ARHGEF12: variants seen among roughly 807,000 people sequenced by gnomAD.
ARHGEF12 encodes KMT2A/ARHGEF12 fusion protein.
A neutral mutation model predicts 211.2 loss-of-function variants in ARHGEF12; 66 were observed. The observed-to-expected ratio is 0.31, with a 90% confidence interval of 0.26 to 0.38. The LOEUF is 0.38. ARHGEF12 is among the 10% of genes least tolerant of loss of function. The pLI is 1.00. For missense variants in ARHGEF12, 1,429 were observed against 1,869.5 expected, an observed-to-expected ratio of 0.76 and a Z score of 4.34; for synonymous variants, 592 against 638.4, an observed-to-expected ratio of 0.93 and a Z score of 1.09.
intron 38 of ARHGEF12, 89 bp downstream of exon 38, chr11:120,480,519 A>T: frequency 8.1e-7 from 1 of 1,233,550 alleles, no homozygotes. Context: ...ATTGGTATCC[A>T]GGTGTGTGTG....
chr11:120,447,173 T>C (rs1436247507), intron 18 of ARHGEF12, 88 bp downstream of exon 18: 1 of 1,433,392 alleles, frequency 7.0e-7, no homozygotes, highest in Non-Finnish European at 9.3e-7. Context: ...TTAGAAAAAC[T>C]GTCAGATTGT....
intron 26 of ARHGEF12, among the ~76,000 whole-genome samples, chr11:120,460,094 A>C (rs534352881): frequency 2.0e-5 from 3 of 152,336 alleles, no homozygotes; most frequent in African/African-American, 7.2e-5. Flanking sequence ...TATTGGTTGA[A>C]GTCATCTTGG....
chr11:120,415,456 C>CA lies in ARHGEF12; in HGVS notation c.200-5294dup, dbSNP rs749483481. Among the ~76,000 whole-genome samples, 29 of 152,156 alleles carry CA rather than the reference C, an allele frequency of 1.9e-4. No homozygotes were observed. The East Asian group carries it at 2.9e-3, about 15-fold the overall frequency. ...GATGCTCAATGCAAATTTGCTAAAA[C>CA]AAACAAAAGAAGTAGGATTTTTGTG... On this transcript the variant is annotated intron_variant, in intron 4 of 40. Transcript: ENST00000397843.
rs1946420598 is a variant in ARHGEF12, at chr11:120,458,087, A to G, written c.2233A>G (p.Ser745Gly). 3.1e-6 allele frequency: 5 copies of G among 1,607,568 alleles called. No homozygotes were observed. Among genetic ancestry groups the G allele is most frequent in the Non-Finnish European group, 4.2e-6 (5 of 1,178,630 alleles). Reference sequence around the variant, plus strand: ...ACTCTTTTTTCTTCATAGGTTTGACAGTGTAGCTTTTGGAGAAAGTCAAAG... The same window carrying G: ...ACTCTTTTTTCTTCATAGGTTTGACGGTGTAGCTTTTGGAGAAAGTCAAAG... ...GTPKPFRKFD[S>G]VAFGESQSED... Residue 745 changes from serine to glycine, a missense_variant, in exon 25 of 41, where the codon AGT (serine) becomes GGT (glycine). Coordinates refer to ENST00000397843, the MANE Select transcript of ARHGEF12 (RefSeq NM_015313.3).
chr11:120,441,917 G>C, intron 14 of ARHGEF12, 100 bp downstream of exon 14: 1 of 1,110,254 alleles, frequency 9.0e-7, no homozygotes, highest in East Asian at 2.4e-5. Flanking sequence ...ACTTCTTTCA[G>C]TTTTCCGTAT....
At chr11:120,407,872 A>G in intron 3 of ARHGEF12, 49 bp downstream of exon 3, 1 of 1,509,998 alleles carries the variant, frequency 6.6e-7, no homozygotes, top group Non-Finnish European at 9.2e-7. Context: ...AGTGAAGTTC[A>G]GAATAATAGA....
At chr11:120,465,450 T>G in intron 28 of ARHGEF12, 88 bp downstream of exon 28, 1 of 1,534,132 alleles carries the variant, frequency 6.5e-7, no homozygotes, top group Non-Finnish European at 8.9e-7. Flanking sequence ...CTAAGACTTT[T>G]ACAAAGATTA....
intron 1 of ARHGEF12, among the ~76,000 whole-genome samples, chr11:120,371,990 T>G (rs1482214201): frequency 2.0e-5 from 3 of 152,256 alleles, no homozygotes; most frequent in Admixed American, 6.5e-5. Context: ...AAAACTGATT[T>G]CTTTGGAAAA....
intron 1 of ARHGEF12, among the ~76,000 whole-genome samples, chr11:120,347,666 C>T (rs1942808812): frequency 6.6e-6 from 1 of 152,158 alleles, no homozygotes; most frequent in Non-Finnish European, 1.5e-5. Flanking sequence ...GTCTTGAAGG[C>T]CTGAAAGCCT....
chr11:120,384,654 G>A (rs1487270809), intron 1 of ARHGEF12, among the ~76,000 whole-genome samples: 1 of 152,156 alleles, frequency 6.6e-6, no homozygotes, highest in Non-Finnish European at 1.5e-5. Flanking sequence ...CAGACATAAT[G>A]CCTAGGGCAT....
intron 1 of ARHGEF12, among the ~76,000 whole-genome samples, chr11:120,393,518 T>C (rs553665015): frequency 6.6e-6 from 1 of 152,286 alleles, no homozygotes; most frequent in Non-Finnish European, 1.5e-5. Flanking sequence ...AAAGGAAAAC[T>C]AGACCACATT....
At chr11:120,372,741 C>G (rs1943623125) in intron 1 of ARHGEF12, among the ~76,000 whole-genome samples, 1 of 152,032 alleles carries the variant, frequency 6.6e-6, no homozygotes, top group Non-Finnish European at 1.5e-5. Flanking sequence ...CCAGGCTCTA[C>G]CATTTGTTAG....
chr11:120,377,329 G>A (rs907074723), intron 1 of ARHGEF12, among the ~76,000 whole-genome samples: 3 of 151,854 alleles, frequency 2.0e-5, no homozygotes, highest in African/African-American at 7.3e-5. Flanking sequence ...TAATCTTTCT[G>A]TGTCTGTCTT....
intron 12 of ARHGEF12, chr11:120,439,003 C>T (rs1157014909): frequency 6.6e-6 from 1 of 152,168 alleles, no homozygotes; most frequent in Non-Finnish European, 1.5e-5. Flanking sequence ...TAGACACACG[C>T]CACCACGCCT....
chr11:120,376,491 T>C (rs1448930388), intron 1 of ARHGEF12, among the ~76,000 whole-genome samples: 1 of 152,198 alleles, frequency 6.6e-6, no homozygotes, highest in Non-Finnish European at 1.5e-5. Flanking sequence ...AATTTACATA[T>C]AAAATTCACC....
chr11:120,461,246 A>G (rs922226264), intron 27 of ARHGEF12, among the ~76,000 whole-genome samples: 1 of 152,232 alleles, frequency 6.6e-6, no homozygotes, highest in African/African-American at 2.4e-5. Context: ...TTCTTAAATA[A>G]TAAGACTTGA....
chr11:120,347,246 T>TTCTC (rs36062191), intron 1 of ARHGEF12, among the ~76,000 whole-genome samples: 52 of 130,474 alleles, frequency 4.0e-4, no homozygotes, highest in African/African-American at 1.2e-3. Flanking sequence ...CTCTCTCTGT[T>TTCTC]TCTCTCTCTC....
chr11:120,488,418 C>T lies in ARHGEF12; in HGVS notation c.*3341C>T, dbSNP rs1251570180. ...GTCAGCTTCCTCATGGCTAGTTTTT[C>T]CCCCTTATATTACAATTTTTGTTTT... is the stretch of plus-strand genomic sequence containing the variant. On this transcript the variant is annotated 3_prime_UTR_variant, in exon 41 of 41. Transcript: ENST00000397843. The T allele has an allele frequency of 4.6e-6, 1 of 216,310 alleles. No homozygotes were observed. The highest frequency in any genetic ancestry group is 9.3e-6 in the Non-Finnish European group (1 of 107,502). 13.4% of individuals were successfully genotyped at this position (216,310 alleles called of 1,614,324 possible). A position where few individuals can be genotyped will look rare whatever the true frequency, so the allele number is the denominator to read the frequency against.
At chr11:120,484,629 G>A in intron 40 of ARHGEF12, 122 bp downstream of exon 40, 2 of 892,134 alleles carry the variant, frequency 2.2e-6, no homozygotes, top group Non-Finnish European at 3.4e-6. Flanking sequence ...TTAAAGAACT[G>A]CCTGTTTCTA....
Sources: gnomAD v4.1 joint callset for allele counts (sites outside exome capture counted in the v4.1 genomes callset) on GRCh38, gnomAD v4.1.1 for gene constraint, MANE v1.5 for transcripts, NCBI Gene and HGNC (gene_info 2026-07-23, HGNC 2026-07-21) for gene names.